The following ABCA12 variants were observed in gnomAD, a reference collection of about 807,000 sequenced individuals.
ABCA12 encodes the protein ATP binding cassette subfamily A member 12.
In ABCA12, 156 loss-of-function variants were observed where a neutral mutation model predicts 293.5. The ratio of observed to expected loss-of-function variants is 0.53; its 90% CI spans 0.47 to 0.61. ABCA12 has a LOEUF of 0.61. ABCA12 is among the 20% of genes least tolerant of loss of function. ABCA12 has a pLI of 0.00. For missense variants in ABCA12, 2,797 were observed against 3,090.2 expected (o/e 0.91, Z 2.25); for synonymous variants, 1,063 against 1,108.0 (o/e 0.96, Z 0.81).
At chr2:215,034,787 G>A (rs1380640201) in intron 8 of ABCA12, among the ~76,000 whole-genome samples, 2 of 152,136 alleles carry the variant, frequency 1.3e-5, no homozygotes, top group Non-Finnish European at 2.9e-5. Context: ...ATGATAAAAT[G>A]AATTTCAGAT....
intron 27 of ABCA12, among the ~76,000 whole-genome samples, chr2:214,987,217 G>A (rs1173080122): frequency 6.6e-6 from 1 of 152,108 alleles, no homozygotes. Context: ...ACTTTATAAT[G>A]ACACGACTCA....
chr2:215,108,581 C>G (rs1442776696), intron 2 of ABCA12, among the ~76,000 whole-genome samples: 1 of 152,136 alleles, frequency 6.6e-6, no homozygotes, highest in Non-Finnish European at 1.5e-5. Flanking sequence ...ATAATACAGT[C>G]ACCACCTTAC....
chr2:215,024,933 AT>A (rs1186425794), intron 11 of ABCA12, among the ~76,000 whole-genome samples: 12 of 152,132 alleles, frequency 7.9e-5, no homozygotes, highest in Non-Finnish European at 1.3e-4. Context: ...ACAGTTATAT[AT>A]TTTTTGGTTG....
At chr2:215,041,117 AG>A (rs1701091035) in intron 7 of ABCA12, among the ~76,000 whole-genome samples, 1 of 152,254 alleles carries the variant, frequency 6.6e-6, no homozygotes, top group South Asian at 2.1e-4. Context: ...TATGTTAAAT[AG>A]CTTGATTTAG....
At position 215,036,967 on chromosome 2, in the gene ABCA12, T is replaced by C. The variant is rs760197218; in HGVS notation, c.971A>G (p.Asp324Gly). ...KSVKHLLYTL[D>G]SPAQGDSDNI... is the part of the protein sequence containing the mutation. The stretch of plus-strand genomic sequence containing the variant: ...AAATATAATACCTTGAGCTGGGGAG[T>C]CCAGAGTGTACAGCAGATGTTTAAC... The change falls in exon 8 of 53, where the codon GAC (aspartate) becomes GGC (glycine). Residue 324 changes from aspartate to glycine, a missense_variant. By Grantham distance (94) the Asp-to-Gly change is moderately conservative (BLOSUM62 -1). Transcript: ENST00000272895. 1.2e-6 allele frequency: 2 copies of C among 1,613,590 alleles called. No individual in the cohort carries two copies. The highest frequency in any genetic ancestry group is 3.3e-5 in the Admixed American group (2 of 59,976).
chr2:215,109,615 A>G (rs1702530095), intron 2 of ABCA12, among the ~76,000 whole-genome samples: 1 of 152,190 alleles, frequency 6.6e-6, no homozygotes, highest in South Asian at 2.1e-4. Flanking sequence ...CCTCCCTGAT[A>G]CAATGTTTTT....
At chr2:215,114,390 G>A (rs1702644489) in intron 1 of ABCA12, among the ~76,000 whole-genome samples, 1 of 152,014 alleles carries the variant, frequency 6.6e-6, no homozygotes, top group African/African-American at 2.4e-5. Context: ...AGGAGCTGTA[G>A]GTTTGACCAA....
intron 23 of ABCA12, among the ~76,000 whole-genome samples, chr2:214,993,234 C>T (rs1418156324): frequency 6.6e-6 from 1 of 152,130 alleles, no homozygotes; most frequent in African/African-American, 2.4e-5. Context: ...TGTTTTTCTC[C>T]TCCAAGGCCC....
intron 11 of ABCA12, 151 bp from the exon 12 acceptor site, chr2:215,019,947 T>C (rs1013397970): frequency 1.1e-5 from 11 of 959,868 alleles, no homozygotes; most frequent in Non-Finnish European, 1.7e-5. Context: ...AGTTTTATTA[T>C]GAAGTACTAC....
At chr2:215,104,568 C>G (rs1439139491) in intron 2 of ABCA12, among the ~76,000 whole-genome samples, 1 of 152,178 alleles carries the variant, frequency 6.6e-6, no homozygotes, top group African/African-American at 2.4e-5. Context: ...AATCAAATCC[C>G]AATTTCAGTT....
At chr2:215,003,803 G>T (rs1700194506) in intron 20 of ABCA12, among the ~76,000 whole-genome samples, 1 of 152,012 alleles carries the variant, frequency 6.6e-6, no homozygotes, top group East Asian at 1.9e-4. Context: ...AAGCAGCTGG[G>T]ATTACAGGCG....
At chr2:215,015,775 A>G (rs1700481071) in intron 14 of ABCA12, 112 bp from the exon 15 acceptor site, 3 of 932,480 alleles carry the variant, frequency 3.2e-6, no homozygotes, top group Non-Finnish European at 5.0e-6. Flanking sequence ...AAAGGTCCTC[A>G]AGAATCAAAC....
At chr2:215,000,684 G>C (rs372451790) in intron 22 of ABCA12, 21 bp downstream of exon 22, 76 of 1,612,956 alleles carry the variant, frequency 4.7e-5, no homozygotes, top group Non-Finnish European at 6.3e-5. Context: ...CATTAAAAAG[G>C]CTGGAAGTGC....
chr2:214,989,190 A>ACATATATATATATATATATATATATG (rs1699856518), intron 26 of ABCA12, 139 bp downstream of exon 26: 2 of 117,262 alleles, frequency 1.7e-5, no homozygotes, highest in Non-Finnish European at 3.3e-5. Flanking sequence ...ATACATACAT[A>ACATATATATATATATATATATATATG]TATATATATA....
intron 33 of ABCA12, 98 bp downstream of exon 33, chr2:214,978,218 C>T (rs768185330): frequency 7.8e-5 from 111 of 1,414,960 alleles, no homozygotes; most frequent in Non-Finnish European, 1.1e-4. Context: ...TAGAATGAAA[C>T]TTTAGAGTTG....
intron 6 of ABCA12, among the ~76,000 whole-genome samples, 183 bp from the exon 7 acceptor site, chr2:215,046,198 A>G (rs1701198872): frequency 6.6e-6 from 1 of 152,150 alleles, no homozygotes; most frequent in South Asian, 2.1e-4. Flanking sequence ...GTTCTTAAAC[A>G]TAATTGGATC....
rs17426207 is a variant in ABCA12, at chr2:214,932,608, C to T, written c.*26G>A. On this transcript the variant is annotated 3_prime_UTR_variant, in exon 53 of 53. Transcript: ENST00000272895. ...CTTCAAAATGAAGCCATTGGTCACA[C>T]GCTGAGATTGAGTTTGCTGGAAGTG... 0.41 allele frequency: 622,466 copies of T among 1,524,524 alleles called. 128,955 individuals are homozygous for T. The highest frequency in any genetic ancestry group is 0.53 in the South Asian group (46,895 of 89,152). The allele number at this position is 1,524,524 out of a possible 1,614,324, so 94.4% of individuals were successfully genotyped here. A position where few individuals can be genotyped will look rare whatever the true frequency, so the allele number is the denominator to read the frequency against.
At chr2:215,009,057 A>G (rs939302029) in intron 18 of ABCA12, among the ~76,000 whole-genome samples, 8 of 152,206 alleles carry the variant, frequency 5.3e-5, no homozygotes, top group Admixed American at 1.3e-4. Flanking sequence ...CACAACAGCA[A>G]AGACACTGAA....
At chr2:215,064,686 AATACACGCAC>A (rs1264410929) in intron 2 of ABCA12, among the ~76,000 whole-genome samples, 1 of 136,844 alleles carries the variant, frequency 7.3e-6, no homozygotes, top group Admixed American at 7.3e-5. Context: ...CTAATCTTTT[AATACACGCAC>A]ACACACACAC....
Sources: gnomAD v4.1 joint callset for allele counts (sites outside exome capture counted in the v4.1 genomes callset) on GRCh38, gnomAD v4.1.1 for gene constraint, MANE v1.5 for transcripts, NCBI Gene and HGNC (gene_info 2026-07-23, HGNC 2026-07-21) for gene names.